The following ATRX variants were observed in gnomAD, a reference collection of about 807,000 sequenced individuals.
ATRX encodes chromatin remodeler ATRX.
ATRX carries 12 observed loss-of-function variants against 172.6 expected under a neutral mutation model. The ratio of observed to expected loss-of-function variants is 0.07; its 90% CI spans 0.04 to 0.11. The LOEUF is 0.11. Among genes scored for constraint, ATRX ranks in the 10% least tolerant of loss-of-function variants. The pLI, the probability that ATRX is intolerant of heterozygous loss-of-function variation, is 1.00. For synonymous variants in ATRX, 674 were observed against 594.7 expected (o/e 1.13, Z -1.94); for missense variants, 1,368 against 1,767.4 (o/e 0.77, Z 4.05).
At chrX:77,531,480 G>A (rs191042925) in intron 30 of ATRX, among the ~76,000 whole-genome samples, 371 of 111,697 alleles carry the variant, frequency 3.3e-3, no homozygotes, top group African/African-American at 0.012. Context: ...TTCAACATAT[G>A]GAAATAAATA....
At chrX:77,509,984 C>T (rs377454545) in intron 34 of ATRX, among the ~76,000 whole-genome samples, 79 of 109,530 alleles carry the variant, frequency 7.2e-4, no homozygotes, top group African/African-American at 1.5e-3. Context: ...CACACCTTCG[C>T]AAACCCCAGG....
intron 10 of ATRX, chrX:77,674,259 C>T (rs2070760174): frequency 9.0e-6 from 1 of 111,429 alleles, no homozygotes; most frequent in African/African-American, 3.2e-5. Context: ...AATATATAAT[C>T]TATACTAAAA....
At chrX:77,620,346 T>C (rs1602886459) in intron 20 of ATRX, 49 bp downstream of exon 20, 1 of 1,171,848 alleles carries the variant, frequency 8.5e-7, no homozygotes, top group Non-Finnish European at 1.2e-6. Flanking sequence ...CAAAAATATA[T>C]CTGAGGAAAT....
intron 15 of ATRX, among the ~76,000 whole-genome samples, chrX:77,650,994 C>A (rs1283214187): frequency 9.0e-6 from 1 of 110,767 alleles, no homozygotes; most frequent in Non-Finnish European, 1.9e-5. Context: ...ACAATACATT[C>A]CCAACTATTT....
intron 6 of ATRX, among the ~76,000 whole-genome samples, chrX:77,692,386 G>A (rs1428103573): frequency 9.0e-6 from 1 of 111,688 alleles, no homozygotes; most frequent in African/African-American, 3.3e-5. Flanking sequence ...TGCTCAAAAG[G>A]AGTTGACTAC....
chrX:77,741,246 T>G (rs1557181969), intron 1 of ATRX, among the ~76,000 whole-genome samples: 1 of 111,265 alleles, frequency 9.0e-6, no homozygotes, highest in South Asian at 3.7e-4. Flanking sequence ...AAAAGTAAAG[T>G]CATGGCTATT....
At chrX:77,667,037 T>G (rs1253586666) in intron 10 of ATRX, among the ~76,000 whole-genome samples, 1 of 110,544 alleles carries the variant, frequency 9.0e-6, no homozygotes, top group East Asian at 2.8e-4. Context: ...TTTATTAATA[T>G]TCAGTGAAAA....
At chrX:77,545,153 T>C (rs1371176079) in intron 30 of ATRX, among the ~76,000 whole-genome samples, 3 of 112,708 alleles carry the variant, frequency 2.7e-5, no homozygotes, top group Admixed American at 9.4e-5. Flanking sequence ...ACTGAATGCA[T>C]GGCTGCATAC....
intron 2 of ATRX, among the ~76,000 whole-genome samples, chrX:77,707,482 C>T (rs1378020342): frequency 3.6e-5 from 4 of 112,537 alleles, no homozygotes; most frequent in African/African-American, 9.7e-5. Flanking sequence ...CGGTGGCTCA[C>T]GCCTGTAATC....
At chrX:77,632,556 A>G (rs1486594092) in intron 19 of ATRX, among the ~76,000 whole-genome samples, 1 of 112,507 alleles carries the variant, frequency 8.9e-6, no homozygotes, top group African/African-American at 3.2e-5. Flanking sequence ...AATGACAATT[A>G]CCCAGACTTT....
At chrX:77,558,931 T>C in intron 28 of ATRX, 85 bp from the exon 29 acceptor site, 1 of 735,924 alleles carries the variant, frequency 1.4e-6, no homozygotes, top group East Asian at 3.6e-5. Context: ...TGATACTTAG[T>C]TTTTTTTTAA....
At chrX:77,756,553 G>C (rs1263761879) in intron 1 of ATRX, among the ~76,000 whole-genome samples, 2 of 110,617 alleles carry the variant, frequency 1.8e-5, no homozygotes, top group Admixed American at 1.9e-4. Context: ...ATCTGTGCCG[G>C]ATAGCATAGA....
At chrX:77,521,548 G>A in intron 32 of ATRX, 50 bp from the exon 33 acceptor site, 6 of 984,083 alleles carry the variant, frequency 6.1e-6, no homozygotes, top group Non-Finnish European at 7.2e-6. Flanking sequence ...ACAGCATAGT[G>A]TTAAAGTATA....
chrX:77,766,230 C>T (rs1487748959), intron 1 of ATRX, among the ~76,000 whole-genome samples: 7 of 112,600 alleles, frequency 6.2e-5, no homozygotes, highest in African/African-American at 9.7e-5. Flanking sequence ...GGGTGGTGGC[C>T]GGGCAGAGGG....
At chrX:77,616,914 A>G (rs2067377917) in intron 21 of ATRX, among the ~76,000 whole-genome samples, 184 bp from the exon 22 acceptor site, 1 of 112,119 alleles carries the variant, frequency 8.9e-6, no homozygotes, top group South Asian at 3.7e-4. Context: ...TGTATTTCAT[A>G]TGACTATACA....
Position 77,633,389 on chromosome X carries a change from T to G in ATRX, c.4957-5A>C. 2 of 1,204,600 alleles carry G rather than the reference T, an allele frequency of 1.7e-6. No homozygotes were observed. The highest frequency in any genetic ancestry group is 3.0e-5 in the East Asian group (1 of 33,794). On this transcript the variant is annotated splice_polypyrimidine_tract_variant and splice_region_variant and intron_variant, in intron 18 of 34. Coordinates refer to ENST00000373344, the MANE Select transcript of ATRX (RefSeq NM_000489.6). Reference sequence around the variant, plus strand: ...CACAGTTGCTAATTCAGAAACCTTTTGTGGGGAAATAAAGATTTTTTTAAG... The same window carrying G: ...CACAGTTGCTAATTCAGAAACCTTTGGTGGGGAAATAAAGATTTTTTTAAG...
intron 30 of ATRX, among the ~76,000 whole-genome samples, chrX:77,537,990 C>T (rs1444095621): frequency 4.5e-5 from 5 of 110,753 alleles, no homozygotes; most frequent in African/African-American, 1.6e-4. Flanking sequence ...ATGATGAGAA[C>T]ACATGAACAC....
chrX:77,565,159 C>T (rs886082962), intron 28 of ATRX, among the ~76,000 whole-genome samples: 2 of 111,965 alleles, frequency 1.8e-5, no homozygotes, highest in African/African-American at 3.2e-5. Flanking sequence ...TGTCCCCCCA[C>T]CCAGCCAAGG....
rs2148604424 is a variant in ATRX, at chrX:77,683,060, A to T, written c.2196T>A (p.Asp732Glu). 1 of 1,210,793 alleles carries T rather than the reference A, an allele frequency of 8.3e-7. No homozygotes were observed. The highest frequency in any genetic ancestry group is 3.0e-5 in the East Asian group (1 of 33,829). ...CCTCTTTGAGGATTGCTAGCATTTCATCAGAATCTGAATTTTGATCCACAG... is the reference window on the plus strand; with the variant it reads ...CCTCTTTGAGGATTGCTAGCATTTCTTCAGAATCTGAATTTTGATCCACAG... ...SETVDQNSDSDEMLAILKEVS... is the reference protein window; with the variant it reads ...SETVDQNSDSEEMLAILKEVS... Residue 732 changes from aspartate to glutamate, a missense_variant, in exon 9 of 35, where the codon GAT (aspartate) becomes GAA (glutamate). Physicochemically the swap from Asp to Glu is conservative, Grantham distance 45 (BLOSUM62 2). Around this residue, in one of 17 missense-constraint regions of ATRX, gnomAD observed 843 missense variants for 643.1 expected, o/e 1.31. Transcript: ENST00000373344.
Sources: allele counts gnomAD v4.1 joint callset (sites outside exome capture counted in the v4.1 genomes callset), GRCh38; gene constraint gnomAD v4.1.1; regional missense constraint gnomAD v4.1.1; transcripts MANE v1.5; gene names NCBI Gene and HGNC (gene_info 2026-07-23, HGNC 2026-07-21).